The following GRAMD1C variants were observed in gnomAD, a reference collection of about 807,000 sequenced individuals.
GRAMD1C encodes GRAM domain containing 1C.
In GRAMD1C, 89 loss-of-function variants were observed where a neutral mutation model predicts 97.8. The observed-to-expected ratio is 0.91, with a 90% confidence interval of 0.77 to 1.09. The LOEUF (loss-of-function observed/expected upper bound fraction) is 1.09. Ranked by LOEUF, GRAMD1C falls within the 50% of genes least tolerant of loss-of-function variation. The pLI is 0.00. For missense variants in GRAMD1C, 740 were observed against 766.4 expected (o/e 0.97, Z 0.41); for synonymous variants, 256 against 267.0 (o/e 0.96, Z 0.40).
chr3:113,873,358 C>A (rs560975346), intron 3 of GRAMD1C, among the ~76,000 whole-genome samples: 5 of 152,082 alleles, frequency 3.3e-5, no homozygotes, highest in African/African-American at 4.8e-5. Context: ...AGTTACTATG[C>A]CTTTGAACAT....
chr3:113,837,164 G>C (rs755613297), upstream of GRAMD1C, among the ~76,000 whole-genome samples: 3 of 148,736 alleles, frequency 2.0e-5, no homozygotes, highest in Admixed American at 6.7e-5. Context: ...TGGAGATGGG[G>C]CCCCCCTGTT....
intron 10 of GRAMD1C, among the ~76,000 whole-genome samples, chr3:113,925,960 C>T (rs778125202): frequency 6.6e-6 from 1 of 152,082 alleles, no homozygotes; most frequent in Non-Finnish European, 1.5e-5. Context: ...GTGGCCTGCC[C>T]CTTCCCTCTA....
At chr3:113,834,327 C>T (rs920818012), upstream of GRAMD1C, among the ~76,000 whole-genome samples, 1 of 151,974 alleles carries the variant, frequency 6.6e-6, no homozygotes, top group Non-Finnish European at 1.5e-5. Flanking sequence ...TTACAGGCGC[C>T]TGCCACCACG....
At chr3:113,930,232 C>G (rs1249863523) in intron 10 of GRAMD1C, among the ~76,000 whole-genome samples, 1 of 152,178 alleles carries the variant, frequency 6.6e-6, no homozygotes, top group East Asian at 1.9e-4. Context: ...AGACAAGCCA[C>G]TGACATTACA....
intron 5 of GRAMD1C, among the ~76,000 whole-genome samples, chr3:113,879,153 C>T (rs2566975): frequency 6.6e-6 from 1 of 151,444 alleles, no homozygotes; most frequent in Non-Finnish European, 1.5e-5. Flanking sequence ...TGCAGTGAGT[C>T]GAGACCGCGC....
chr3:113,911,079 C>T (rs1936550646), intron 9 of GRAMD1C, among the ~76,000 whole-genome samples: 2 of 152,094 alleles, frequency 1.3e-5, no homozygotes, highest in South Asian at 4.2e-4. Flanking sequence ...GCCACTTTCT[C>T]ACTGTGTCTG....
chr3:113,929,138 A>G (rs918248691), intron 10 of GRAMD1C, among the ~76,000 whole-genome samples: 1 of 152,200 alleles, frequency 6.6e-6, no homozygotes, highest in African/African-American at 2.4e-5. Context: ...ACTGATTATT[A>G]TTTATAATAG....
chr3:113,898,359 G>A (rs894509712), intron 6 of GRAMD1C, among the ~76,000 whole-genome samples: 10 of 151,956 alleles, frequency 6.6e-5, no homozygotes, highest in African/African-American at 2.4e-4. Flanking sequence ...TTGAAATATT[G>A]CTTGCTTCTC....
At chr3:113,936,218 G>A in intron 13 of GRAMD1C, 48 bp from the exon 14 acceptor site, 1 of 1,093,688 alleles carries the variant, frequency 9.1e-7, no homozygotes, top group Non-Finnish European at 1.3e-6. Context: ...GTATCTTATA[G>A]TTGAGGAGCT....
chr3:113,940,011 C>G lies in GRAMD1C; in HGVS notation c.1802+15C>G, dbSNP rs746339524. ...AAATCTTTAAAGTAAGTCTTTTTCC[C>G]CCTGACCTGTATTCACCATATTATT... On this transcript the variant is annotated intron_variant, in intron 16 of 17. Coordinates refer to ENST00000358160, the MANE Select transcript of GRAMD1C (RefSeq NM_017577.5). The G allele has an allele frequency of 1.1e-4, 149 of 1,308,034 alleles. No homozygotes were observed. Among genetic ancestry groups the G allele is most frequent in the Non-Finnish European group, 1.6e-4 (144 of 900,966 alleles). The allele number at this position is 1,308,034 out of a possible 1,614,324, so 81.0% of individuals were successfully genotyped here. A position where few individuals can be genotyped will look rare whatever the true frequency, so the allele number is the denominator to read the frequency against.
Position 113,838,810 on chromosome 3 carries a change from G to A in GRAMD1C, c.-100G>A. 1.2e-6 allele frequency: 1 copy of A among 856,096 alleles called. No individual in the cohort carries two copies. 53.0% of individuals were successfully genotyped at this position (856,096 alleles called of 1,614,324 possible). A position where few individuals can be genotyped will look rare whatever the true frequency, so the allele number is the denominator to read the frequency against. On this transcript the variant is annotated 5_prime_UTR_variant, in exon 1 of 18. Coordinates refer to ENST00000358160, the MANE Select transcript of GRAMD1C (RefSeq NM_017577.5). ...AGTACTCGGAGGGCCGGCGGAGGAGGCGCGCGGAGCCTGTAACTCGCAGCG... is the reference window on the plus strand; with the variant it reads ...AGTACTCGGAGGGCCGGCGGAGGAGACGCGCGGAGCCTGTAACTCGCAGCG...
chr3:113,942,363 A>T (rs1389311097), intron 17 of GRAMD1C, among the ~76,000 whole-genome samples: 3 of 152,036 alleles, frequency 2.0e-5, no homozygotes, highest in Admixed American at 6.6e-5. Flanking sequence ...AAGGTTAGAG[A>T]ATTTCTTTAG....
chr3:113,941,246 C>T (rs530228810), intron 17 of GRAMD1C, among the ~76,000 whole-genome samples: 1 of 152,252 alleles, frequency 6.6e-6, no homozygotes, highest in South Asian at 2.1e-4. Flanking sequence ...AGGCATTGCT[C>T]CATTATCTTT....
At chr3:113,876,881 G>A (rs1356538485) in intron 5 of GRAMD1C, among the ~76,000 whole-genome samples, 8 of 151,918 alleles carry the variant, frequency 5.3e-5, no homozygotes, top group Admixed American at 4.6e-4. Flanking sequence ...AAAAGAGGAG[G>A]GGTAGGGAGG....
intron 6 of GRAMD1C, among the ~76,000 whole-genome samples, chr3:113,892,516 A>G (rs1935774036): frequency 6.6e-6 from 1 of 152,134 alleles, no homozygotes; most frequent in African/African-American, 2.4e-5. Flanking sequence ...ACTTTGGTAC[A>G]TTGCTCCAGA....
At chr3:113,848,497 G>GTTT (rs58147654) in intron 2 of GRAMD1C, among the ~76,000 whole-genome samples, 2 of 148,466 alleles carry the variant, frequency 1.3e-5, no homozygotes, top group South Asian at 2.1e-4. Context: ...TGTTGTATTT[G>GTTT]TTTTTTTTTT....
chr3:113,944,926 A>T (rs1174019359), intron 17 of GRAMD1C, among the ~76,000 whole-genome samples: 2 of 152,226 alleles, frequency 1.3e-5, no homozygotes, highest in Non-Finnish European at 2.9e-5. Flanking sequence ...TCAAAGTGTT[A>T]AGTAGTAAGG....
intron 6 of GRAMD1C, chr3:113,885,696 A>G: frequency 4.6e-6 from 7 of 1,525,190 alleles, no homozygotes; most frequent in South Asian, 1.1e-5. Context: ...TACAGAAAGC[A>G]TGGAGATCTA....
intron 1 of GRAMD1C, among the ~76,000 whole-genome samples, chr3:113,840,967 G>A (rs540628912): frequency 6.6e-6 from 1 of 152,314 alleles, no homozygotes; most frequent in South Asian, 2.1e-4. Flanking sequence ...GTACTCTATG[G>A]TTAGCCTGGT....
Sources: gnomAD v4.1 joint callset for allele counts (sites outside exome capture counted in the v4.1 genomes callset) on GRCh38, gnomAD v4.1.1 for gene constraint, MANE v1.5 for transcripts, NCBI Gene and HGNC (gene_info 2026-07-23, HGNC 2026-07-21) for gene names.